Variants in POU6F2 observed in about 807,000 individuals in gnomAD.
The protein encoded by POU6F2 is POU domain, class 6, transcription factor 2.
In POU6F2, 31 loss-of-function variants were observed where a neutral mutation model predicts 71.3. That is an observed-to-expected ratio of 0.43 (90% CI 0.33 to 0.59). POU6F2 has a LOEUF of 0.59. Ranked by LOEUF, POU6F2 falls within the 20% of genes least tolerant of loss-of-function variation. POU6F2 has a pLI of 0.04. For missense variants in POU6F2, 783 were observed against 856.8 expected, an observed-to-expected ratio of 0.91 and a Z score of 1.07; for synonymous variants, 347 against 355.7, an observed-to-expected ratio of 0.98 and a Z score of 0.27.
intron 5 of POU6F2, among the ~76,000 whole-genome samples, chr7:39,355,647 C>G (rs1350582060): frequency 6.6e-6 from 1 of 152,038 alleles, no homozygotes; most frequent in Non-Finnish European, 1.5e-5. Context: ...TCAAAAAGAA[C>G]GAAAAAGAAA....
intron 1 of POU6F2, among the ~76,000 whole-genome samples, chr7:39,041,371 T>C (rs1009654629): frequency 6.6e-6 from 1 of 151,964 alleles, no homozygotes; most frequent in African/African-American, 2.4e-5. Flanking sequence ...AAGTGGAGGT[T>C]CGTTGGTCAA....
intron 1 of POU6F2, among the ~76,000 whole-genome samples, chr7:39,014,537 C>T (rs940002953): frequency 3.9e-5 from 6 of 152,154 alleles, no homozygotes; most frequent in African/African-American, 1.4e-4. Flanking sequence ...GTTTTAAGAA[C>T]GTCTATGTGC....
chr7:39,321,098 T>TATAAC (rs10674476), intron 4 of POU6F2, among the ~76,000 whole-genome samples: 93,535 of 151,380 alleles, frequency 0.62, 29,292 homozygotes, highest in East Asian at 0.72. Context: ...ATAGTACTAT[T>TATAAC]ATAACAATAT....
intron 8 of POU6F2, among the ~76,000 whole-genome samples, chr7:39,456,979 GAA>G (rs1471549594): frequency 6.6e-6 from 1 of 152,172 alleles, no homozygotes; most frequent in Non-Finnish European, 1.5e-5. Flanking sequence ...GCTTTAAAGT[GAA>G]AGTTTGATAA....
At chr7:39,371,799 C>T (rs1786616943) in intron 5 of POU6F2, among the ~76,000 whole-genome samples, 1 of 152,222 alleles carries the variant, frequency 6.6e-6, no homozygotes. Flanking sequence ...ACCACGGGCT[C>T]ATTGCTATAG....
chr7:39,453,867 T>C (rs377108761), intron 8 of POU6F2, among the ~76,000 whole-genome samples: 2 of 152,220 alleles, frequency 1.3e-5, no homozygotes, highest in African/African-American at 2.4e-5. Context: ...CAAACCCATA[T>C]GCAGAGACTG....
intron 7 of POU6F2, among the ~76,000 whole-genome samples, chr7:39,445,810 A>G (rs534729359): frequency 6.6e-6 from 1 of 152,280 alleles, no homozygotes; most frequent in South Asian, 2.1e-4. Flanking sequence ...TAGTTAATCA[A>G]AGTTCTTATT....
chr7:39,324,064 C>A (rs903809048), intron 4 of POU6F2, among the ~76,000 whole-genome samples: 1 of 146,968 alleles, frequency 6.8e-6, no homozygotes, highest in Non-Finnish European at 1.5e-5. Context: ...GCCAAGATAG[C>A]GCAACTGCAC....
At chr7:38,991,155 G>A (rs1008460269) in intron 1 of POU6F2, among the ~76,000 whole-genome samples, 2 of 151,986 alleles carry the variant, frequency 1.3e-5, no homozygotes. Context: ...ATATGTTTAT[G>A]AACAAATGAG....
At chr7:39,225,235 GC>G (rs1189287884) in intron 4 of POU6F2, among the ~76,000 whole-genome samples, 2 of 151,900 alleles carry the variant, frequency 1.3e-5, no homozygotes, top group Non-Finnish European at 2.9e-5. Context: ...GTGCAGTGGT[GC>G]CATCTTGGCT....
intron 1 of POU6F2, among the ~76,000 whole-genome samples, chr7:39,080,140 A>T (rs1584532129): frequency 2.0e-5 from 3 of 152,214 alleles, no homozygotes; most frequent in Non-Finnish European, 4.4e-5. Context: ...TTCTTATTTT[A>T]AAAAAGTCCT....
intron 1 of POU6F2, among the ~76,000 whole-genome samples, chr7:39,026,416 A>C (rs1789801791): frequency 6.6e-6 from 1 of 152,150 alleles, no homozygotes; most frequent in East Asian, 1.9e-4. Flanking sequence ...AATCCTATGC[A>C]GCCATAAAAA....
At chr7:39,203,910 G>C (rs1249767955) in intron 2 of POU6F2, among the ~76,000 whole-genome samples, 1 of 152,136 alleles carries the variant, frequency 6.6e-6, no homozygotes, top group Non-Finnish European at 1.5e-5. Context: ...GGTCATATCT[G>C]AGATCACATT....
chr7:39,066,179 AC>A lies in POU6F2; in HGVS notation c.106-19680del, dbSNP rs778064756. The stretch of plus-strand genomic sequence containing the variant: ...AAAAAAAGAAAACAACTGATAAAAT[AC>A]AACAGCCATTTCTGGTTTAATTTTT... On this transcript the variant is annotated intron_variant, in intron 1 of 9. Transcript: ENST00000518318. 1.9e-3 allele frequency among the ~76,000 whole-genome samples: 295 copies of A among 151,896 alleles called. 3 individuals carry two copies. The highest frequency in any genetic ancestry group is 1.8e-3 in the Non-Finnish European group (122 of 67,692).
chr7:39,270,650 C>G (rs1429919211), intron 4 of POU6F2, among the ~76,000 whole-genome samples: 1 of 152,070 alleles, frequency 6.6e-6, no homozygotes, highest in East Asian at 1.9e-4. Flanking sequence ...TCTTGTCATG[C>G]TAGGAAATCA....
At chr7:39,061,031 T>C (rs912374773) in intron 1 of POU6F2, among the ~76,000 whole-genome samples, 3 of 152,132 alleles carry the variant, frequency 2.0e-5, no homozygotes, top group African/African-American at 7.2e-5. Flanking sequence ...TATTAAATTA[T>C]AAATACAAAG....
At chr7:39,408,930 C>T (rs2115906277) in intron 6 of POU6F2, among the ~76,000 whole-genome samples, 1 of 152,206 alleles carries the variant, frequency 6.6e-6, no homozygotes, top group South Asian at 2.1e-4. Context: ...TTGTGTGACC[C>T]TATGAAGTGA....
intron 2 of POU6F2, among the ~76,000 whole-genome samples, chr7:39,120,530 A>G (rs781749271): frequency 2.2e-4 from 33 of 152,330 alleles, no homozygotes; most frequent in Non-Finnish European, 4.3e-4. Context: ...GTAATAAAAC[A>G]GCTTAAGAGA....
At chr7:39,246,175 A>G (rs1294573148) in intron 4 of POU6F2, among the ~76,000 whole-genome samples, 2 of 152,184 alleles carry the variant, frequency 1.3e-5, no homozygotes, top group African/African-American at 4.8e-5. Context: ...AATCTATGAA[A>G]TCATGTTTGA....
Sources: allele counts gnomAD v4.1 joint callset (sites outside exome capture counted in the v4.1 genomes callset), GRCh38; gene constraint gnomAD v4.1.1; transcripts MANE v1.5; gene names NCBI Gene and HGNC (gene_info 2026-07-23, HGNC 2026-07-21).